The following PDE7B variants were observed in gnomAD, a reference collection of about 807,000 sequenced individuals.
PDE7B encodes phosphodiesterase 7B, also known as 3',5'-cyclic-AMP phosphodiesterase 7B.
PDE7B carries 29 observed loss-of-function variants against 56.2 expected under a neutral mutation model. The ratio of observed to expected loss-of-function variants is 0.52; its 90% CI spans 0.38 to 0.70. The LOEUF (loss-of-function observed/expected upper bound fraction) is 0.70, where lower values mean the gene tolerates loss of function less well. Ranked by LOEUF, PDE7B falls within the 30% of genes least tolerant of loss-of-function variation. The pLI, the probability that PDE7B is intolerant of heterozygous loss-of-function variation, is 0.00. For synonymous variants in PDE7B, 197 were observed against 196.9 expected (o/e 1.00, Z 0.00); for missense variants, 490 against 565.0 (o/e 0.87, Z 1.35).
chr6:135,956,433 G>C (rs1774795449), intron 2 of PDE7B, among the ~76,000 whole-genome samples: 1 of 152,098 alleles, frequency 6.6e-6, no homozygotes, highest in Non-Finnish European at 1.5e-5. Flanking sequence ...GGGTGAGGTG[G>C]GTAGTGTGGA....
intron 1 of PDE7B, among the ~76,000 whole-genome samples, chr6:135,889,178 C>T (rs1775762328): frequency 6.6e-6 from 1 of 152,062 alleles, no homozygotes; most frequent in Non-Finnish European, 1.5e-5. Flanking sequence ...TACAATGACC[C>T]ACCAACAGAT....
At chr6:136,021,508 G>A (rs1336493410) in intron 2 of PDE7B, among the ~76,000 whole-genome samples, 1 of 152,060 alleles carries the variant, frequency 6.6e-6, no homozygotes, top group Non-Finnish European at 1.5e-5. Context: ...TCTGGGCGTG[G>A]TGGTGCATGC....
At chr6:135,880,434 G>A (rs146317317) in intron 1 of PDE7B, among the ~76,000 whole-genome samples, 19 of 152,266 alleles carry the variant, frequency 1.2e-4, no homozygotes, top group African/African-American at 4.3e-4. Flanking sequence ...CACTTTTTAA[G>A]CAGTTAGGGA....
chr6:135,882,697 G>T (rs1438682824), intron 1 of PDE7B, among the ~76,000 whole-genome samples: 1 of 152,084 alleles, frequency 6.6e-6, no homozygotes, highest in Admixed American at 6.6e-5. Flanking sequence ...TTTGTGCTGT[G>T]TGAGCTCTGC....
At chr6:135,960,304 C>T (rs1774877888) in intron 2 of PDE7B, among the ~76,000 whole-genome samples, 1 of 152,176 alleles carries the variant, frequency 6.6e-6, no homozygotes, top group African/African-American at 2.4e-5. Flanking sequence ...AAGTGTTTGA[C>T]TAATAACAAA....
intron 8 of PDE7B, chr6:136,162,109 A>G (rs1778713311): frequency 6.6e-6 from 1 of 152,134 alleles, no homozygotes; most frequent in Admixed American, 6.5e-5. Context: ...AGACAGACAC[A>G]TGTCTGACTC....
chr6:136,173,323 GA>G (rs1778923896), intron 8 of PDE7B, among the ~76,000 whole-genome samples: 1 of 152,074 alleles, frequency 6.6e-6, no homozygotes. Flanking sequence ...CAATGGAACA[GA>G]ACAGAGCCCT....
intron 3 of PDE7B, among the ~76,000 whole-genome samples, chr6:136,133,127 G>A (rs78705815): frequency 0.051 from 7,768 of 152,098 alleles, 675 homozygotes; most frequent in African/African-American, 0.17. Flanking sequence ...TTAGCTTCCA[G>A]TGCTTTCCCT....
intron 1 of PDE7B, among the ~76,000 whole-genome samples, chr6:135,864,190 C>T (rs904836683): frequency 1.3e-5 from 2 of 151,980 alleles, no homozygotes; most frequent in African/African-American, 4.8e-5. Flanking sequence ...ACTTTTATTC[C>T]TTTGTGGCAA....
intron 3 of PDE7B, among the ~76,000 whole-genome samples, chr6:136,142,300 T>G (rs1035151469): frequency 2.6e-5 from 4 of 152,230 alleles, no homozygotes; most frequent in African/African-American, 7.2e-5. Context: ...TCTAGTTTGA[T>G]TGCACTGTGG....
At chr6:136,106,997 C>G (rs577957583) in intron 2 of PDE7B, among the ~76,000 whole-genome samples, 1 of 152,268 alleles carries the variant, frequency 6.6e-6, no homozygotes, top group Non-Finnish European at 1.5e-5. Context: ...TCTTTCATAT[C>G]AATATGGCAA....
At chr6:135,972,744 A>G (rs1326236269) in intron 2 of PDE7B, among the ~76,000 whole-genome samples, 1 of 152,210 alleles carries the variant, frequency 6.6e-6, no homozygotes, top group Non-Finnish European at 1.5e-5. Context: ...GAAATAAGCC[A>G]AGAGGTTTTT....
chr6:136,051,092 T>A (rs1776617947), intron 2 of PDE7B, among the ~76,000 whole-genome samples: 1 of 151,086 alleles, frequency 6.6e-6, no homozygotes, highest in Admixed American at 6.6e-5. Flanking sequence ...ATTGCAGAAA[T>A]TTTTTTTGTT....
At chr6:136,178,656 C>A (rs1053687199) in intron 9 of PDE7B, among the ~76,000 whole-genome samples, 3 of 152,230 alleles carry the variant, frequency 2.0e-5, no homozygotes, top group African/African-American at 4.8e-5. Context: ...TAAAAACACA[C>A]CGCCAATCTC....
At chr6:135,885,214 G>A (rs946624802) in intron 1 of PDE7B, among the ~76,000 whole-genome samples, 1 of 152,016 alleles carries the variant, frequency 6.6e-6, no homozygotes, top group African/African-American at 2.4e-5. Context: ...TATTCATGAT[G>A]TTTCATAAAG....
chr6:136,088,912 G>A (rs1167794033), intron 2 of PDE7B, among the ~76,000 whole-genome samples: 1 of 151,808 alleles, frequency 6.6e-6, no homozygotes, highest in Non-Finnish European at 1.5e-5. Flanking sequence ...GGGAAGCCAA[G>A]TAAATTGAAG....
At chr6:135,854,150 G>C (rs891716400) in intron 1 of PDE7B, among the ~76,000 whole-genome samples, 1 of 152,184 alleles carries the variant, frequency 6.6e-6, no homozygotes, top group Non-Finnish European at 1.5e-5. Context: ...CCTCAGCCTA[G>C]TAATTATTCG....
At chr6:135,993,334 C>T (rs1409120515) in intron 2 of PDE7B, among the ~76,000 whole-genome samples, 1 of 152,140 alleles carries the variant, frequency 6.6e-6, no homozygotes, top group Non-Finnish European at 1.5e-5. Flanking sequence ...TTCTTAACTC[C>T]ATCGTTTTCA....
intron 12 of PDE7B, among the ~76,000 whole-genome samples, chr6:136,190,436 T>TG (rs1779205395): frequency 6.6e-6 from 1 of 152,240 alleles, no homozygotes; most frequent in Non-Finnish European, 1.5e-5. Flanking sequence ...AAGTGTCTGC[T>TG]GTTTGTCCAA....
Sources: allele counts gnomAD v4.1 joint callset (sites outside exome capture counted in the v4.1 genomes callset), GRCh38; gene constraint gnomAD v4.1.1; transcripts MANE v1.5; gene names NCBI Gene and HGNC (gene_info 2026-07-23, HGNC 2026-07-21).